AKAP13: variants seen among roughly 807,000 people sequenced by gnomAD.
The protein encoded by AKAP13 is A-kinase anchoring protein 13.
In AKAP13, 80 loss-of-function variants were observed where a neutral mutation model predicts 264.5. That is an observed-to-expected ratio of 0.30 (90% CI 0.25 to 0.36). The LOEUF (loss-of-function observed/expected upper bound fraction) is 0.36, where lower values mean the gene tolerates loss of function less well. Ranked by LOEUF, AKAP13 falls within the 10% of genes least tolerant of loss-of-function variation. The pLI, the probability that AKAP13 is intolerant of heterozygous loss-of-function variation, is 1.00. For missense variants in AKAP13, 3,712 were observed against 3,435.2 expected (o/e 1.08, Z -2.01); for synonymous variants, 1,380 against 1,250.2 (o/e 1.10, Z -2.19).
intron 2 of AKAP13, among the ~76,000 whole-genome samples, chr15:85,498,197 G>GATATAT (rs1491342478): frequency 0.012 from 347 of 30,044 alleles, 8 homozygotes; most frequent in African/African-American, 0.041. Flanking sequence ...TAAATGAAGT[G>GATATAT]AGATATATAT....
At position 85,580,425 on chromosome 15, in the gene AKAP13, C is replaced by G. The variant is rs1290992648; in HGVS notation, c.2357C>G (p.Ser786Cys). 1 of 1,614,218 alleles carries G rather than the reference C, an allele frequency of 6.2e-7. No homozygotes were observed. Among genetic ancestry groups the G allele is most frequent in the Non-Finnish European group, 8.5e-7 (1 of 1,180,038 alleles). The stretch of plus-strand genomic sequence containing the variant: ...GCAGTAATATCAGACAGTACTTTCT[C>G]TCTGGCAAACAGTCCAGGCAGTGAA... ...DQAVISDSTF[S>C]LANSPGSESV... Residue 786 changes from serine (S) to cysteine (C), a missense_variant, in exon 7 of 37, where the codon TCT becomes TGT. Transcript: ENST00000394518.
chr15:85,566,812 T>G (rs1344378155), intron 5 of AKAP13, among the ~76,000 whole-genome samples: 1 of 151,370 alleles, frequency 6.6e-6, no homozygotes, highest in Non-Finnish European at 1.5e-5. Flanking sequence ...ATTTTTTGGG[T>G]GGAGACGGGG....
At chr15:85,626,793 GTTTAA>G (rs1460561827) in intron 8 of AKAP13, among the ~76,000 whole-genome samples, 1 of 150,992 alleles carries the variant, frequency 6.6e-6, no homozygotes, top group Non-Finnish European at 1.5e-5. Flanking sequence ...GTAATTGTAT[GTTTAA>G]TTTTTTTTTT....
chr15:85,438,582 A>G (rs1358343417), intron 1 of AKAP13, among the ~76,000 whole-genome samples: 4 of 146,702 alleles, frequency 2.7e-5, no homozygotes, highest in Non-Finnish European at 3.0e-5. Flanking sequence ...ACAAGGCTAC[A>G]GTAACCAAAA....
rs554851010 is a variant in AKAP13 at position 85,488,231 on chromosome 15, TG to T, written c.33+2480del. Among the ~76,000 whole-genome samples, 3 of 152,196 alleles carry T rather than the reference TG, an allele frequency of 2.0e-5. No homozygotes were observed. The South Asian group carries it at 6.2e-4, about 32-fold the overall frequency. ...GTCTTGCTGTGTTGCCAGGCTACCT[TG>T]GTTGAATTTTTAATGTTAAGGCAAC... On this transcript the variant is annotated intron_variant, in intron 2 of 36. Coordinates refer to ENST00000394518, the MANE Select transcript of AKAP13 (RefSeq NM_007200.5).
intron 2 of AKAP13, among the ~76,000 whole-genome samples, chr15:85,489,772 C>T (rs895189654): frequency 2.6e-5 from 4 of 152,156 alleles, no homozygotes; most frequent in South Asian, 2.1e-4. Flanking sequence ...GTCCAGAATA[C>T]GTTGCAATAG....
At chr15:85,562,282 C>T (rs1431548742) in intron 5 of AKAP13, among the ~76,000 whole-genome samples, 2 of 151,836 alleles carry the variant, frequency 1.3e-5, no homozygotes, top group Non-Finnish European at 1.5e-5. Flanking sequence ...ATATATATCT[C>T]GGCCGGGCGT....
intron 1 of AKAP13, among the ~76,000 whole-genome samples, chr15:85,476,733 G>A (rs2075176857): frequency 6.6e-6 from 1 of 152,110 alleles, no homozygotes; most frequent in Non-Finnish European, 1.5e-5. Context: ...TTAGTCTGTT[G>A]GGGTCATCAA....
chr15:85,457,935 A>G (rs1050741742), intron 1 of AKAP13, among the ~76,000 whole-genome samples: 2 of 152,008 alleles, frequency 1.3e-5, no homozygotes, highest in Non-Finnish European at 2.9e-5. Context: ...AGGTCACGAA[A>G]TCGAGACCAG....
Position 85,460,783 on chromosome 15 carries a change from T to C in AKAP13, c.-11-24927T>C, listed in dbSNP as rs1016426539. Among the ~76,000 whole-genome samples the C allele has an allele frequency of 3.9e-5, 6 of 152,316 alleles. No individual in the cohort carries two copies. In the South Asian group the frequency reaches 1.2e-3, roughly 32 times the overall value. On this transcript the variant is annotated intron_variant, in intron 1 of 36. Transcript: ENST00000394518. ...TGGCTCTGAAGATGGAGAAAGGGGCTGCATGCAGCCAAGAGATGCAAGTGC... is the reference window on the plus strand; with the variant it reads ...TGGCTCTGAAGATGGAGAAAGGGGCCGCATGCAGCCAAGAGATGCAAGTGC...
intron 11 of AKAP13, among the ~76,000 whole-genome samples, chr15:85,657,058 A>G (rs2083131769): frequency 6.6e-6 from 1 of 152,082 alleles, no homozygotes; most frequent in African/African-American, 2.4e-5. Flanking sequence ...AGATGGGAGG[A>G]TTGCTTCAGC....
chr15:85,620,289 A>G, intron 8 of AKAP13: 1 of 928,834 alleles, frequency 1.1e-6, no homozygotes. Flanking sequence ...AAATCTGTGC[A>G]CAGTGGAGGA....
At chr15:85,438,225 A>C (rs1346555858) in intron 1 of AKAP13, among the ~76,000 whole-genome samples, 21 of 137,376 alleles carry the variant, frequency 1.5e-4, no homozygotes, top group Admixed American at 1.5e-3. Flanking sequence ...CAATTGCTTC[A>C]AAGAGAATAA....
At chr15:85,700,241 T>C (rs141682826) in intron 17 of AKAP13, among the ~76,000 whole-genome samples, 21 of 152,346 alleles carry the variant, frequency 1.4e-4, no homozygotes, top group Non-Finnish European at 2.5e-4. Flanking sequence ...AGCAGAAATA[T>C]TCAGTTAATG....
chr15:85,471,693 G>C (rs1183467264), intron 1 of AKAP13, among the ~76,000 whole-genome samples: 1 of 152,068 alleles, frequency 6.6e-6, no homozygotes, highest in African/African-American at 2.4e-5. Context: ...CCCATCCCTG[G>C]GTCCAGGCAA....
intron 23 of AKAP13, among the ~76,000 whole-genome samples, chr15:85,719,793 G>A (rs949275442): frequency 6.6e-6 from 1 of 151,910 alleles, no homozygotes; most frequent in Admixed American, 6.6e-5. Flanking sequence ...AAATTAGCCA[G>A]GCGTGGTGGC....
chr15:85,710,048 C>G (rs11630688), intron 18 of AKAP13, among the ~76,000 whole-genome samples: 1 of 152,012 alleles, frequency 6.6e-6, no homozygotes, highest in Admixed American at 6.6e-5. Context: ...TCAGATTAAT[C>G]GCTTCAGTGT....
chr15:85,468,948 CTT>C (rs2074854924), intron 1 of AKAP13, among the ~76,000 whole-genome samples: 2 of 132,948 alleles, frequency 1.5e-5, no homozygotes, highest in Admixed American at 8.3e-5. Context: ...GACTTTTGCT[CTT>C]GTCACCCAGG....
chr15:85,410,147 T>G (rs966131481), intron 1 of AKAP13, among the ~76,000 whole-genome samples: 2 of 151,568 alleles, frequency 1.3e-5, no homozygotes, highest in African/African-American at 4.9e-5. Context: ...TTGAGTAATG[T>G]CTCCTTCCTT....
Sources: gnomAD v4.1 joint callset for allele counts (sites outside exome capture counted in the v4.1 genomes callset) on GRCh38, gnomAD v4.1.1 for gene constraint, MANE v1.5 for transcripts, NCBI Gene and HGNC (gene_info 2026-07-23, HGNC 2026-07-21) for gene names.